DNAH3: variants seen among roughly 807,000 people sequenced by gnomAD.
DNAH3 encodes axonemal beta dynein heavy chain 3.
Under a neutral mutation model 432.5 loss-of-function variants are expected in DNAH3, and 332 were observed. That is an observed-to-expected ratio of 0.77 (90% CI 0.70 to 0.84). The LOEUF (loss-of-function observed/expected upper bound fraction) is 0.84, where lower values mean the gene tolerates loss of function less well. Ranked by LOEUF, DNAH3 falls within the 40% of genes least tolerant of loss-of-function variation. The pLI is 0.00. For synonymous variants in DNAH3, 1,956 were observed against 1,900.2 expected, an observed-to-expected ratio of 1.03 and a Z score of -0.76; for missense variants, 4,861 against 5,114.0, an observed-to-expected ratio of 0.95 and a Z score of 1.51.
At chr16:21,026,397 C>T (rs932983185) in intron 38 of DNAH3, among the ~76,000 whole-genome samples, 1 of 151,984 alleles carries the variant, frequency 6.6e-6, no homozygotes, top group African/African-American at 2.4e-5. Context: ...ATTGAGTACA[C>T]ATGGACACAA....
At chr16:21,104,770 T>C (rs1283459770) in intron 15 of DNAH3, among the ~76,000 whole-genome samples, 176 bp from the exon 16 acceptor site, 2 of 152,180 alleles carry the variant, frequency 1.3e-5, no homozygotes, top group South Asian at 2.1e-4. Flanking sequence ...GGCTAGAAGG[T>C]AGATGATATT....
chr16:21,060,083 G>A (rs858204), intron 26 of DNAH3, among the ~76,000 whole-genome samples, 181 bp downstream of exon 26: 33,854 of 152,034 alleles, frequency 0.22, 3,976 homozygotes, highest in East Asian at 0.46. Context: ...CTAACTGCCA[G>A]TATTTCACCA....
At chr16:21,059,108 T>C (rs774448458) in intron 26 of DNAH3, among the ~76,000 whole-genome samples, 1 of 152,252 alleles carries the variant, frequency 6.6e-6, no homozygotes. Context: ...ACAGTACCCA[T>C]TTACTATACA....
chr16:21,156,200 A>ATTTAT (rs1555579919), intron 1 of DNAH3, among the ~76,000 whole-genome samples: 24 of 75,764 alleles, frequency 3.2e-4, no homozygotes, highest in Admixed American at 6.6e-4. Context: ...ATTTTATTTT[A>ATTTAT]TTTATTTTAT....
At chr16:21,050,432 G>C (rs1340459530) in intron 29 of DNAH3, among the ~76,000 whole-genome samples, 1 of 152,126 alleles carries the variant, frequency 6.6e-6, no homozygotes, top group Non-Finnish European at 1.5e-5. Flanking sequence ...TCTCCAACTA[G>C]ATTATGAATT....
chr16:21,128,691 TAAA>T (rs11074482), intron 7 of DNAH3, among the ~76,000 whole-genome samples: 2 of 138,516 alleles, frequency 1.4e-5, no homozygotes, highest in Non-Finnish European at 1.5e-5. Flanking sequence ...GAGACTCGTC[TAAA>T]AAAAAAAAAA....
At chr16:20,985,428 G>A (rs375427512) in exon 48 of DNAH3, 45 of 1,614,020 alleles carry the variant, frequency 2.8e-5, no homozygotes, top group South Asian at 1.5e-4. Context: ...TTTGCCGCCC[G>A]CTGCCCCCTA....
At chr16:20,988,579 G>A (rs1054540082) in intron 44 of DNAH3, among the ~76,000 whole-genome samples, 9 of 152,210 alleles carry the variant, frequency 5.9e-5, no homozygotes, top group African/African-American at 1.9e-4. Context: ...TGCTGTGATT[G>A]CAGGCATGAG....
At chr16:21,146,111 CA>C in intron 1 of DNAH3, 23 bp from the exon 3 acceptor site, 1 of 1,542,308 alleles carries the variant, frequency 6.5e-7, no homozygotes, top group Non-Finnish European at 9.0e-7. Context: ...GGAACAAAGT[CA>C]CCCTTCAAAA....
intron 26 of DNAH3, 142 bp from the exon 27 acceptor site, chr16:21,058,338 T>C (rs1461466956): frequency 2.2e-5 from 11 of 500,534 alleles, no homozygotes; most frequent in Non-Finnish European, 3.2e-5. Context: ...GCTTGACATC[T>C]CTGGAATTAC....
intron 8 of DNAH3, among the ~76,000 whole-genome samples, chr16:21,126,430 T>C (rs1210927077): frequency 1.3e-5 from 2 of 152,170 alleles, no homozygotes; most frequent in African/African-American, 4.8e-5. Flanking sequence ...AGAAAACCCA[T>C]CTGCAGGTAT....
chr16:21,014,081 G>A (rs1436226127), intron 41 of DNAH3, among the ~76,000 whole-genome samples: 1 of 152,160 alleles, frequency 6.6e-6, no homozygotes, highest in Non-Finnish European at 1.5e-5. Context: ...TATAACTCAT[G>A]CTATGAGGCC....
exon 1 of DNAH3, chr16:21,159,408 C>T (rs2092938354): frequency 1.2e-6 from 2 of 1,614,090 alleles, no homozygotes; most frequent in Non-Finnish European, 1.7e-6. Flanking sequence ...GGAGGGGCGG[C>T]CAGTGTGAGC....
In DNAH3 at chr16:21,021,636, G is replaced by A. The variant is rs921410640; in HGVS notation, c.5776+335C>T. On this transcript the variant is annotated intron_variant, in intron 40 of 61. Coordinates refer to ENST00000261383, the Ensembl canonical transcript of DNAH3. ...AAAAAATAGCCAAGGTAGCCCAGGCGCTGTGGCTTATGCCTGTAATCCCAG... is the reference window on the plus strand; with the variant it reads ...AAAAAATAGCCAAGGTAGCCCAGGCACTGTGGCTTATGCCTGTAATCCCAG... 2.6e-5 allele frequency among the ~76,000 whole-genome samples: 4 copies of A among 152,106 alleles called. No homozygotes were observed. In the East Asian group the frequency reaches 5.8e-4, roughly 22 times the overall value.
chr16:21,117,440 G>C lies in DNAH3; in HGVS notation c.1700-123C>G, dbSNP rs575748052. ...AATGCACTCATTTCCAGGGCTGCCA[G>C]CTGCATTTTTACTCTATTTCCTCTT... On this transcript the variant is annotated intron_variant, in intron 11 of 61. Transcript: ENST00000261383. 12 of 704,522 alleles carry C rather than the reference G, an allele frequency of 1.7e-5. No individual in the cohort carries two copies. The Admixed American group carries it at 3.0e-4, about 18-fold the overall frequency. 43.6% of individuals were successfully genotyped at this position (704,522 alleles called of 1,614,324 possible). A position where few individuals can be genotyped will look rare whatever the true frequency, so the allele number is the denominator to read the frequency against.
intron 14 of DNAH3, among the ~76,000 whole-genome samples, chr16:21,110,085 AGT>A (rs776956364): frequency 1.3e-5 from 2 of 152,202 alleles, no homozygotes; most frequent in Non-Finnish European, 2.9e-5. Flanking sequence ...TATAGTTTAA[AGT>A]GCTTTGAGGA....
At chr16:20,967,492 CTTTTTT>C (rs756357963) in intron 52 of DNAH3, among the ~76,000 whole-genome samples, 3 of 52,806 alleles carry the variant, frequency 5.7e-5, no homozygotes, top group African/African-American at 1.9e-4. Context: ...CAGACTTCTG[CTTTTTT>C]TTTTTTTTTT....
intron 14 of DNAH3, among the ~76,000 whole-genome samples, chr16:21,107,762 A>T (rs2091980944): frequency 6.6e-6 from 1 of 152,344 alleles, no homozygotes; most frequent in East Asian, 1.9e-4. Flanking sequence ...TACAATTAGA[A>T]GCAAATCATC....
intron 54 of DNAH3, among the ~76,000 whole-genome samples, chr16:20,955,391 T>C (rs1245704222): frequency 6.6e-6 from 1 of 151,920 alleles, no homozygotes; most frequent in African/African-American, 2.4e-5. Context: ...GGTGGGTTTT[T>C]CAAGGACACA....
Sources: gnomAD v4.1 joint callset for allele counts (sites outside exome capture counted in the v4.1 genomes callset) on GRCh38, gnomAD v4.1.1 for gene constraint, MANE v1.5 for transcripts, NCBI Gene and HGNC (gene_info 2026-07-23, HGNC 2026-07-21) for gene names.